Variants in NET1 observed in about 807,000 individuals in gnomAD.
The protein encoded by NET1 is neuroepithelial cell transforming 1, also known as neuroepithelial cell-transforming gene 1 protein.
In NET1, 42 loss-of-function variants were observed where a neutral mutation model predicts 61.1. The ratio of observed to expected loss-of-function variants is 0.69; its 90% CI spans 0.54 to 0.89. The LOEUF is 0.89. Ranked by LOEUF, NET1 falls within the 40% of genes least tolerant of loss-of-function variation. The pLI, the probability that NET1 is intolerant of heterozygous loss-of-function variation, is 0.00. For missense variants in NET1, 654 were observed against 747.3 expected, an observed-to-expected ratio of 0.88 and a Z score of 1.46; for synonymous variants, 254 against 281.8, an observed-to-expected ratio of 0.90 and a Z score of 0.99.
intron 2 of NET1, 98 bp from the exon 3 acceptor site, chr10:5,429,069 TAAC>T: frequency 1.1e-6 from 1 of 882,050 alleles, no homozygotes; most frequent in Non-Finnish European, 1.7e-6. Flanking sequence ...GCCAAAGGCT[TAAC>T]TTTTTTAAAT....
At position 5,456,868 on chromosome 10, in the gene NET1, A is replaced by T. The variant is rs763143040; in HGVS notation, c.1665A>T (p.Arg555Ser). ...TAGAAGTTGATGAAAACGCTTACAG[A>T]TGTGGCTCTGGCATGCAGATGGCAG... is the stretch of plus-strand genomic sequence containing the variant. ...TQVEVDENAY[R>S]CGSGMQMAED... Residue 555 changes from arginine (R) to serine (S), a missense_variant, in exon 12 of 12, where the codon AGA becomes AGT. By Grantham distance (110) the Arg-to-Ser change is moderately radical. Transcript: ENST00000355029. The surrounding 1 kb of genome is among the most constrained non-coding windows in gnomAD (Gnocchi z 7.0). 1 of 1,614,022 alleles carries T rather than the reference A, an allele frequency of 6.2e-7. No homozygotes were observed. Among genetic ancestry groups the T allele is most frequent in the Non-Finnish European group, 8.5e-7 (1 of 1,180,022 alleles).
In NET1 at chr10:5,447,860, C is replaced by G. The variant is rs1832641632; in HGVS notation, c.256-3970C>G. 1.3e-5 allele frequency among the ~76,000 whole-genome samples: 2 copies of G among 152,228 alleles called. No individual in the cohort carries two copies. The highest frequency in any genetic ancestry group is 4.8e-5 in the African/African-American group (2 of 41,454). ...TGAGTAGAGCAGTCATCCACAGTCA[C>G]TAGTGTGAATCCTGCAGCTTATCAT... On this transcript the variant is annotated intron_variant, in intron 3 of 11. Transcript: ENST00000355029. This position sits in a 1 kb window ranked among gnomAD's most constrained non-coding sequence, Gnocchi z 4.1.
chr10:5,455,233 T>G lies in NET1; in HGVS notation c.1197+115T>G. The G allele has an allele frequency of 1.1e-6, 1 of 946,824 alleles. No homozygotes were observed. The highest frequency in any genetic ancestry group is 2.6e-5 in the Admixed American group (1 of 38,806). The allele number at this position is 946,824 out of a possible 1,614,324, so 58.7% of individuals were successfully genotyped here. The stretch of plus-strand genomic sequence containing the variant: ...AAAGTCATGACATAGTAAAAGAAGG[T>G]TGCCAATTTTAATTTTATATTACCA... On this transcript the variant is annotated intron_variant, in intron 10 of 11. Coordinates refer to ENST00000355029, the MANE Select transcript of NET1 (RefSeq NM_001047160.3). The surrounding 1 kb of genome is among the most constrained non-coding windows in gnomAD (Gnocchi z 6.5).
intron 1 of NET1, among the ~76,000 whole-genome samples, chr10:5,414,964 T>A: frequency 6.6e-6 from 1 of 152,110 alleles, no homozygotes; most frequent in East Asian, 1.9e-4. Context: ...ACAGGCAGCA[T>A]GAGGAGAGTG....
At position 5,431,018 on chromosome 10, in the gene NET1, C is replaced by T. The variant is rs1404115377; in HGVS notation, c.255+1789C>T. 6.6e-6 allele frequency among the ~76,000 whole-genome samples: 1 copy of T among 151,246 alleles called. No homozygotes were observed. Among genetic ancestry groups the T allele is most frequent in the African/African-American group, 2.4e-5 (1 of 41,140 alleles). On this transcript the variant is annotated intron_variant, in intron 3 of 11. Transcript: ENST00000355029. The surrounding 1 kb of genome is among the most constrained non-coding windows in gnomAD (Gnocchi z 4.9). ...TCCCAAGTAGCTGGGATTACAGGTGCCCGCCACCACGCCCGGCTAATTTTT... is the reference window on the plus strand; with the variant it reads ...TCCCAAGTAGCTGGGATTACAGGTGTCCGCCACCACGCCCGGCTAATTTTT...
rs992733452 is a variant in NET1, at chr10:5,423,077, A to G, written c.129-3578A>G. Among the ~76,000 whole-genome samples, 15 of 152,336 alleles carry G rather than the reference A, an allele frequency of 9.8e-5. No individual in the cohort carries two copies. Among genetic ancestry groups the G allele is most frequent in the African/African-American group, 3.6e-4 (15 of 41,580 alleles). On this transcript the variant is annotated intron_variant, in intron 1 of 11. Coordinates refer to ENST00000355029, the MANE Select transcript of NET1 (RefSeq NM_001047160.3). The surrounding 1 kb of genome is among the most constrained non-coding windows in gnomAD (Gnocchi z 4.4). ...TTATTTTTAGGATAAGAGTATATGT[A>G]CAGTGCTTGTCACATAGTAGGCACC...
rs568279750 is a variant in NET1 at position 5,447,852 on chromosome 10, C to T, written c.256-3978C>T. Among the ~76,000 whole-genome samples the T allele has an allele frequency of 1.3e-5, 2 of 152,284 alleles. No homozygotes were observed. Among genetic ancestry groups the T allele is most frequent in the Middle Eastern group, 3.4e-3 (1 of 294 alleles). On this transcript the variant is annotated intron_variant, in intron 3 of 11. Transcript: ENST00000355029. The surrounding 1 kb of genome is among the most constrained non-coding windows in gnomAD (Gnocchi z 4.1). ...ATTTCCTTTGAGTAGAGCAGTCATCCACAGTCACTAGTGTGAATCCTGCAG... is the reference window on the plus strand; with the variant it reads ...ATTTCCTTTGAGTAGAGCAGTCATCTACAGTCACTAGTGTGAATCCTGCAG...
Position 5,435,672 on chromosome 10 carries a change from A to G in NET1, c.255+6443A>G, listed in dbSNP as rs1564462523. ...CATAAGCATATAACATGATCATTGTATTACGTATTTGGACTTTGGATATCT... is the reference window on the plus strand; with the variant it reads ...CATAAGCATATAACATGATCATTGTGTTACGTATTTGGACTTTGGATATCT... On this transcript the variant is annotated intron_variant, in intron 3 of 11. Coordinates refer to ENST00000355029, the MANE Select transcript of NET1 (RefSeq NM_001047160.3). This position sits in a 1 kb window ranked among gnomAD's most constrained non-coding sequence, Gnocchi z 5.0. Among the ~76,000 whole-genome samples the G allele has an allele frequency of 6.6e-6, 1 of 152,174 alleles. No homozygotes were observed. Among genetic ancestry groups the G allele is most frequent in the Non-Finnish European group, 1.5e-5 (1 of 68,018 alleles).
rs189953904 is a variant in NET1 at position 5,426,085 on chromosome 10, G to T, written c.129-570G>T. Among the ~76,000 whole-genome samples, 4 of 152,206 alleles carry T rather than the reference G, an allele frequency of 2.6e-5. No individual in the cohort carries two copies. Among genetic ancestry groups the T allele is most frequent in the Non-Finnish European group, 5.9e-5 (4 of 67,984 alleles). ...CACAGAAAAATCTTTTAATAGTAAAGAACAAAATTCTAATCACATTTTAAT... is the reference window on the plus strand; with the variant it reads ...CACAGAAAAATCTTTTAATAGTAAATAACAAAATTCTAATCACATTTTAAT... On this transcript the variant is annotated intron_variant, in intron 1 of 11. Coordinates refer to ENST00000355029, the MANE Select transcript of NET1 (RefSeq NM_001047160.3). The surrounding 1 kb of genome is among the most constrained non-coding windows in gnomAD (Gnocchi z 4.6).
chr10:5,452,829 G>C lies in NET1; in HGVS notation c.532-29G>C. On this transcript the variant is annotated intron_variant, in intron 5 of 11. Coordinates refer to ENST00000355029, the MANE Select transcript of NET1 (RefSeq NM_001047160.3). This position sits in a 1 kb window ranked among gnomAD's most constrained non-coding sequence, Gnocchi z 4.0. ...TATAATTTTCCTTTCTCGAAGGAAT[G>C]ACCTCTGATGTTTGCTGGATGTTTT... The C allele has an allele frequency of 6.3e-7, 1 of 1,596,102 alleles. No homozygotes were observed.
At chr10:5,413,084 G>C (rs1054469322) in intron 1 of NET1, among the ~76,000 whole-genome samples, 13 of 151,710 alleles carry the variant, frequency 8.6e-5, no homozygotes, top group African/African-American at 3.1e-4. Context: ...ACAGGCTGGA[G>C]TGACAGTGTG....
rs1832101951 is a variant in NET1 at position 5,417,446 on chromosome 10, C to T, written c.128+4626C>T. Reference sequence around the variant, plus strand: ...CTCCTCTACGCAGCACTTCCCTGCCCCGCTTTGTATCACTTTATTTTCAGT... The same window carrying T: ...CTCCTCTACGCAGCACTTCCCTGCCTCGCTTTGTATCACTTTATTTTCAGT... On this transcript the variant is annotated intron_variant, in intron 1 of 11. Coordinates refer to ENST00000355029, the MANE Select transcript of NET1 (RefSeq NM_001047160.3). This position sits in a 1 kb window ranked among gnomAD's most constrained non-coding sequence, Gnocchi z 5.5. 6.6e-6 allele frequency among the ~76,000 whole-genome samples: 1 copy of T among 152,070 alleles called. No homozygotes were observed. Among genetic ancestry groups the T allele is most frequent in the African/African-American group, 2.4e-5 (1 of 41,408 alleles).
chr10:5,441,417 A>G lies in NET1; in HGVS notation c.256-10413A>G, dbSNP rs1758845740. Among the ~76,000 whole-genome samples the G allele has an allele frequency of 6.6e-6, 1 of 152,250 alleles. No individual in the cohort carries two copies. The highest frequency in any genetic ancestry group is 6.5e-5 in the Admixed American group (1 of 15,282). On this transcript the variant is annotated intron_variant, in intron 3 of 11. Coordinates refer to ENST00000355029, the MANE Select transcript of NET1 (RefSeq NM_001047160.3). The surrounding 1 kb of genome is among the most constrained non-coding windows in gnomAD (Gnocchi z 4.6). The stretch of plus-strand genomic sequence containing the variant: ...AACAGGAGGCTGGGCACAAGACACA[A>G]TATCCTTTTGTCTTTAGTTTGGGGC...
intron 3 of NET1, among the ~76,000 whole-genome samples, chr10:5,436,680 C>A (rs1832443333): frequency 6.6e-6 from 1 of 152,082 alleles, no homozygotes. Flanking sequence ...AATGTCTTGG[C>A]AGTTTCTGAT....
At position 5,455,941 on chromosome 10, in the gene NET1, C is replaced by A; in HGVS notation, c.1198-146C>A. The A allele has an allele frequency of 1.3e-6, 1 of 764,576 alleles. No homozygotes were observed. Among genetic ancestry groups the A allele is most frequent in the Non-Finnish European group, 2.0e-6 (1 of 499,854 alleles). 47.4% of individuals were successfully genotyped at this position (764,576 alleles called of 1,614,324 possible). On this transcript the variant is annotated intron_variant, in intron 10 of 11. Coordinates refer to ENST00000355029, the MANE Select transcript of NET1 (RefSeq NM_001047160.3). The surrounding 1 kb of genome is among the most constrained non-coding windows in gnomAD (Gnocchi z 6.5). ...ACATGCTTAGCCTTGAAATTGCCAT[C>A]TTTATGGATTACTAGATTTGTCACT...
intron 3 of NET1, among the ~76,000 whole-genome samples, chr10:5,442,912 T>G (rs1338590484): frequency 1.3e-5 from 2 of 151,894 alleles, no homozygotes. Flanking sequence ...AAAAAAACTC[T>G]TCTAAACTTA....
At position 5,431,658 on chromosome 10, in the gene NET1, A is replaced by G. The variant is rs1001436156; in HGVS notation, c.255+2429A>G. Among the ~76,000 whole-genome samples the G allele has an allele frequency of 6.6e-6, 1 of 152,146 alleles. No homozygotes were observed. Among genetic ancestry groups the G allele is most frequent in the Non-Finnish European group, 1.5e-5 (1 of 68,024 alleles). ...TTTTCCTTTGTCAGTTTTCAACAATAACGAATTCTATTCATTAGCATTCTC... is the reference window on the plus strand; with the variant it reads ...TTTTCCTTTGTCAGTTTTCAACAATGACGAATTCTATTCATTAGCATTCTC... On this transcript the variant is annotated intron_variant, in intron 3 of 11. Transcript: ENST00000355029. This position sits in a 1 kb window ranked among gnomAD's most constrained non-coding sequence, Gnocchi z 4.9.
chr10:5,429,271 T>C (rs1415383442), intron 3 of NET1, 42 bp downstream of exon 3: 2 of 1,376,586 alleles, frequency 1.5e-6, no homozygotes, highest in Non-Finnish European at 2.0e-6. Flanking sequence ...TTTAAAAATA[T>C]GCAGATAGCA....
In NET1 at chr10:5,454,796, C is replaced by CTA; in HGVS notation, c.1027-149_1027-148dup. On this transcript the variant is annotated intron_variant, in intron 9 of 11. Coordinates refer to ENST00000355029, the MANE Select transcript of NET1 (RefSeq NM_001047160.3). This position sits in a 1 kb window ranked among gnomAD's most constrained non-coding sequence, Gnocchi z 8.1. ...AATTTGGCTAGGACTGTTTCTTGAT[C>CTA]TATAAAATGAACAGACTGGCAGAAT... is the stretch of plus-strand genomic sequence containing the variant. The CTA allele has an allele frequency of 1.3e-6, 1 of 782,328 alleles. No individual in the cohort carries two copies. Among genetic ancestry groups the CTA allele is most frequent in the Non-Finnish European group, 2.0e-6 (1 of 498,362 alleles). 48.5% of individuals were successfully genotyped at this position (782,328 alleles called of 1,614,324 possible). A position where few individuals can be genotyped will look rare whatever the true frequency, so the allele number is the denominator to read the frequency against.
Sources: gnomAD v4.1 joint callset for allele counts (sites outside exome capture counted in the v4.1 genomes callset) on GRCh38, gnomAD v4.1.1 for gene constraint, Gnocchi (gnomAD v3.1) non-coding constraint, MANE v1.5 for transcripts, NCBI Gene and HGNC (gene_info 2026-07-23, HGNC 2026-07-21) for gene names.